The following FMN2 variants were observed in gnomAD, a reference collection of about 807,000 sequenced individuals.
FMN2 encodes the protein formin-2.
FMN2 carries 51 observed loss-of-function variants against 142.3 expected under a neutral mutation model. The ratio of observed to expected loss-of-function variants is 0.36; its 90% CI spans 0.29 to 0.45. The LOEUF (loss-of-function observed/expected upper bound fraction) is 0.45. Among genes scored for constraint, FMN2 ranks in the 20% least tolerant of loss-of-function variants. FMN2 has a pLI of 1.00. For missense variants in FMN2, 1,936 were observed against 2,122.8 expected (o/e 0.91, Z 1.73); for synonymous variants, 882 against 869.8 (o/e 1.01, Z -0.25).
chr1:240,358,320 A>G (rs899371959), intron 14 of FMN2, among the ~76,000 whole-genome samples: 1 of 152,202 alleles, frequency 6.6e-6, no homozygotes, highest in African/African-American at 2.4e-5. Context: ...TTGGAAAAAA[A>G]CCTATGTACA....
chr1:240,243,445 A>G (rs1045148549), intron 6 of FMN2, among the ~76,000 whole-genome samples: 1 of 152,170 alleles, frequency 6.6e-6, no homozygotes, highest in African/African-American at 2.4e-5. Flanking sequence ...GAGTTGGCCA[A>G]TGTATGGGTT....
chr1:240,337,912 C>G (rs543416943), intron 13 of FMN2, among the ~76,000 whole-genome samples: 2 of 152,168 alleles, frequency 1.3e-5, no homozygotes, highest in Admixed American at 6.5e-5. Flanking sequence ...TTTCTGAGCT[C>G]AGCGACTTGT....
At chr1:240,100,268 G>A (rs1367274767) in intron 1 of FMN2, among the ~76,000 whole-genome samples, 1 of 152,146 alleles carries the variant, frequency 6.6e-6, no homozygotes, top group South Asian at 2.1e-4. Context: ...AAATATAAAT[G>A]TTATTGTAAT....
chr1:240,411,774 G>T (rs1479211832), intron 15 of FMN2, among the ~76,000 whole-genome samples: 1 of 151,866 alleles, frequency 6.6e-6, no homozygotes, highest in Non-Finnish European at 1.5e-5. Context: ...TCTGTTTTAG[G>T]GTTGGTCACA....
intron 5 of FMN2, among the ~76,000 whole-genome samples, chr1:240,210,120 A>G (rs983706674): frequency 6.6e-6 from 1 of 152,204 alleles, no homozygotes; most frequent in African/African-American, 2.4e-5. Context: ...ACTGATCATC[A>G]TAAAAGAATA....
chr1:240,434,623 G>A (rs1410053257), intron 15 of FMN2, among the ~76,000 whole-genome samples: 2 of 150,520 alleles, frequency 1.3e-5, no homozygotes, highest in Admixed American at 6.6e-5. Context: ...GTGCAGTGAC[G>A]CTATCTCAGC....
intron 6 of FMN2, among the ~76,000 whole-genome samples, chr1:240,226,725 TC>T (rs1667314798): frequency 1.3e-5 from 2 of 152,088 alleles, no homozygotes; most frequent in African/African-American, 4.8e-5. Context: ...TGAGACCTTG[TC>T]TCTAAAAAAG....
chr1:240,117,860 A>C (rs572616473), intron 1 of FMN2, among the ~76,000 whole-genome samples: 11 of 152,342 alleles, frequency 7.2e-5, no homozygotes, highest in African/African-American at 2.4e-4. Context: ...CAGGAGTAGG[A>C]GACAGATCAC....
chr1:240,252,604 G>T (rs992295330), intron 6 of FMN2, among the ~76,000 whole-genome samples: 1 of 150,786 alleles, frequency 6.6e-6, no homozygotes, highest in Non-Finnish European at 1.5e-5. Flanking sequence ...GGCCAGTAAG[G>T]TTTTTGCTGA....
At chr1:240,132,892 G>C (rs1270849142) in intron 2 of FMN2, among the ~76,000 whole-genome samples, 1 of 152,140 alleles carries the variant, frequency 6.6e-6, no homozygotes, top group Non-Finnish European at 1.5e-5. Context: ...GCCTGTTACT[G>C]GTTTCCAGTC....
rs77033993 is a variant in FMN2, at chr1:240,285,853, C to T, written c.4154-8969C>T. ...AGAAGGTGGGGACAACAAGTATTGA[C>T]GACACTTTGTAGGAGTTGGAAGAGT... is the stretch of plus-strand genomic sequence containing the variant. On this transcript the variant is annotated intron_variant, in intron 7 of 17. Coordinates refer to ENST00000319653, the MANE Select transcript of FMN2 (RefSeq NM_020066.5). 2.4e-3 allele frequency among the ~76,000 whole-genome samples: 365 copies of T among 152,148 alleles called. 3 individuals are homozygous for T. The highest frequency in any genetic ancestry group is 7.9e-3 in the African/African-American group (326 of 41,516).
At chr1:240,215,087 G>A (rs1192639192) in intron 6 of FMN2, among the ~76,000 whole-genome samples, 2 of 151,994 alleles carry the variant, frequency 1.3e-5, no homozygotes, top group Admixed American at 6.6e-5. Context: ...AAATTCATCC[G>A]CACTCATTAG....
intron 6 of FMN2, 46 bp from the exon 7 acceptor site, chr1:240,257,899 G>A (rs777693773): frequency 1.3e-6 from 2 of 1,486,440 alleles, no homozygotes; most frequent in Non-Finnish European, 1.9e-6. Context: ...TAAGCATATT[G>A]GAGTTCAAAT....
intron 8 of FMN2, among the ~76,000 whole-genome samples, chr1:240,326,218 A>G (rs1671166242): frequency 6.6e-6 from 1 of 152,202 alleles, no homozygotes; most frequent in African/African-American, 2.4e-5. Context: ...CTATGTACCC[A>G]TAGTTGTGGA....
rs142677400 is a variant in FMN2, at chr1:240,191,041, T to C, written c.1986+2779T>C. Among the ~76,000 whole-genome samples, 806 of 152,320 alleles carry C rather than the reference T, an allele frequency of 5.3e-3. 8 individuals are homozygous for C. The highest frequency in any genetic ancestry group is 0.018 in the African/African-American group (758 of 41,570). ...AAGGCAGTTTTCTCAGTATGAATGA[T>C]GAACCTAAGAGATTTTTCTGGTCCA... On this transcript the variant is annotated intron_variant, in intron 4 of 17. Transcript: ENST00000319653.
At chr1:240,261,809 G>C (rs148177871) in intron 7 of FMN2, among the ~76,000 whole-genome samples, 4 of 152,234 alleles carry the variant, frequency 2.6e-5, no homozygotes, top group Non-Finnish European at 4.4e-5. Context: ...TATAATGAAG[G>C]CCTGAGCTGC....
At chr1:240,407,939 C>CAG (rs1440395992) in intron 15 of FMN2, among the ~76,000 whole-genome samples, 27 of 152,308 alleles carry the variant, frequency 1.8e-4, no homozygotes, top group African/African-American at 5.5e-4. Context: ...AAGGGTATTA[C>CAG]TGGCACATGA....
intron 15 of FMN2, among the ~76,000 whole-genome samples, chr1:240,425,517 G>A (rs1029910414): frequency 8.6e-5 from 13 of 151,898 alleles, no homozygotes; most frequent in East Asian, 1.9e-4. Flanking sequence ...AATCATTTCC[G>A]GAGCTACCTG....
intron 6 of FMN2, among the ~76,000 whole-genome samples, chr1:240,238,444 G>A (rs1667779327): frequency 6.6e-6 from 1 of 152,140 alleles, no homozygotes; most frequent in South Asian, 2.1e-4. Flanking sequence ...TCATGTGTAT[G>A]TATCTGTAGA....
Sources: allele counts gnomAD v4.1 joint callset (sites outside exome capture counted in the v4.1 genomes callset), GRCh38; gene constraint gnomAD v4.1.1; transcripts MANE v1.5; gene names NCBI Gene and HGNC (gene_info 2026-07-23, HGNC 2026-07-21).